The following C8orf34 variants were observed in gnomAD, a reference collection of about 807,000 sequenced individuals.
The protein encoded by C8orf34 is uncharacterized protein C8orf34.
C8orf34 carries 65 observed loss-of-function variants against 68.3 expected under a neutral mutation model. The ratio of observed to expected loss-of-function variants is 0.95; its 90% confidence interval spans 0.78 to 1.17. The LOEUF is 1.17. Ranked by LOEUF, C8orf34 falls within the 50% of genes most tolerant of loss-of-function variation. C8orf34 has a pLI of 0.00. For missense variants in C8orf34, 664 were observed against 655.4 expected, an observed-to-expected ratio of 1.01 and a Z score of -0.14; for synonymous variants, 244 against 241.2, an observed-to-expected ratio of 1.01 and a Z score of -0.11.
chr8:68,542,658 G>T (rs1815740565), intron 7 of C8orf34, among the ~76,000 whole-genome samples: 1 of 152,120 alleles, frequency 6.6e-6, no homozygotes, highest in Non-Finnish European at 1.5e-5. Context: ...TTGAGAATGT[G>T]AGTGGAGTTA....
At chr8:68,522,250 A>G (rs1339320251) in intron 6 of C8orf34, among the ~76,000 whole-genome samples, 2 of 152,188 alleles carry the variant, frequency 1.3e-5, no homozygotes, top group African/African-American at 4.8e-5. Context: ...ATATGCTGCC[A>G]GTCAAGACCT....
intron 10 of C8orf34, among the ~76,000 whole-genome samples, chr8:68,748,130 T>C (rs1385367724): frequency 8.6e-5 from 12 of 139,850 alleles, no homozygotes; most frequent in Non-Finnish European, 4.7e-5. Context: ...AAACAAGCAA[T>C]GGGGAAAGGA....
intron 3 of C8orf34, among the ~76,000 whole-genome samples, chr8:68,456,469 G>A (rs1478342246): frequency 6.6e-6 from 1 of 152,120 alleles, no homozygotes; most frequent in Non-Finnish European, 1.5e-5. Flanking sequence ...GTGAATGAGT[G>A]CATAAAAGGT....
intron 1 of C8orf34, among the ~76,000 whole-genome samples, chr8:68,377,276 G>T (rs977482165): frequency 1.3e-5 from 2 of 152,060 alleles, no homozygotes; most frequent in Non-Finnish European, 2.9e-5. Context: ...TGCACCTGTG[G>T]TGTCTCAGCT....
chr8:68,796,986 C>T (rs567424002), intron 12 of C8orf34, among the ~76,000 whole-genome samples: 7 of 152,148 alleles, frequency 4.6e-5, no homozygotes, highest in African/African-American at 1.4e-4. Flanking sequence ...GCCACCACGC[C>T]TGGCTAATTT....
chr8:68,432,246 A>G (rs1810481636), intron 1 of C8orf34, among the ~76,000 whole-genome samples: 2 of 151,712 alleles, frequency 1.3e-5, no homozygotes, highest in Non-Finnish European at 2.9e-5. Flanking sequence ...TGTATAGTGA[A>G]TTATTAAATC....
chr8:68,674,655 A>G (rs934592610), intron 8 of C8orf34, among the ~76,000 whole-genome samples: 1 of 152,136 alleles, frequency 6.6e-6, no homozygotes, highest in Non-Finnish European at 1.5e-5. Context: ...GATCTAGAAA[A>G]TAGGTCTAAA....
At chr8:68,522,560 T>G (rs1416632393) in intron 6 of C8orf34, among the ~76,000 whole-genome samples, 1 of 152,178 alleles carries the variant, frequency 6.6e-6, no homozygotes, top group African/African-American at 2.4e-5. Flanking sequence ...CTTAGACCCC[T>G]AATGCTCAAA....
intron 7 of C8orf34, among the ~76,000 whole-genome samples, chr8:68,610,322 G>T (rs938202550): frequency 3.9e-5 from 6 of 152,084 alleles, no homozygotes; most frequent in African/African-American, 1.4e-4. Flanking sequence ...ACTGTTTGTG[G>T]CACTACATGT....
At chr8:68,736,561 CA>C (rs2129527074) in intron 10 of C8orf34, among the ~76,000 whole-genome samples, 1 of 152,108 alleles carries the variant, frequency 6.6e-6, no homozygotes, top group Non-Finnish European at 1.5e-5. Context: ...TGATTATTAA[CA>C]CTAGAATATA....
At chr8:68,589,814 G>A (rs914253413) in intron 7 of C8orf34, among the ~76,000 whole-genome samples, 1 of 139,402 alleles carries the variant, frequency 7.2e-6, no homozygotes, top group Non-Finnish European at 1.5e-5. Context: ...GAAGGAGGGA[G>A]GGAAGGGGAA....
intron 8 of C8orf34, among the ~76,000 whole-genome samples, chr8:68,692,545 T>C (rs1202688394): frequency 1.3e-5 from 2 of 152,016 alleles, no homozygotes; most frequent in Non-Finnish European, 2.9e-5. Context: ...ACACATTTAT[T>C]AGAAAAGTTA....
intron 7 of C8orf34, among the ~76,000 whole-genome samples, chr8:68,582,001 G>C (rs1817079786): frequency 6.6e-6 from 1 of 151,950 alleles, no homozygotes; most frequent in African/African-American, 2.4e-5. Context: ...AAACAAAATT[G>C]TTTTCCCCTG....
chr8:68,463,058 A>C (rs1353701573), intron 3 of C8orf34, among the ~76,000 whole-genome samples: 1 of 152,092 alleles, frequency 6.6e-6, no homozygotes, highest in Non-Finnish European at 1.5e-5. Flanking sequence ...ACTAATAAAG[A>C]AAAAAAGAGA....
chr8:68,648,978 T>C (rs544674839), intron 8 of C8orf34, among the ~76,000 whole-genome samples: 8 of 152,228 alleles, frequency 5.3e-5, no homozygotes, highest in Admixed American at 2.6e-4. Flanking sequence ...AGAAAACCTA[T>C]GTAAATAACC....
At position 68,480,631 on chromosome 8, in the gene C8orf34, G is replaced by A. The variant is rs558757966; in HGVS notation, c.737-7392G>A. On this transcript the variant is annotated intron_variant, in intron 4 of 13. Coordinates refer to ENST00000518698, the MANE Select transcript of C8orf34 (RefSeq NM_052958.4). ...TGATATGAACAATAAGGTCCAGACCGAGGTGATCTCAGATGGAGATGAGGA... is the reference window on the plus strand; with the variant it reads ...TGATATGAACAATAAGGTCCAGACCAAGGTGATCTCAGATGGAGATGAGGA... 5.3e-5 allele frequency among the ~76,000 whole-genome samples: 8 copies of A among 152,326 alleles called. No individual in the cohort carries two copies. The East Asian group carries it at 9.7e-4, about 18-fold the overall frequency.
intron 8 of C8orf34, among the ~76,000 whole-genome samples, chr8:68,663,115 T>C (rs541606788): frequency 3.7e-4 from 56 of 152,348 alleles, no homozygotes; most frequent in African/African-American, 1.2e-3. Flanking sequence ...TAGAAACTCT[T>C]ACTAGAGATG....
chr8:68,721,983 G>A (rs916245714), intron 10 of C8orf34, among the ~76,000 whole-genome samples: 2 of 151,808 alleles, frequency 1.3e-5, no homozygotes, highest in South Asian at 2.1e-4. Context: ...TAATGCAATC[G>A]CTTTATCTTA....
chr8:68,781,020 T>C (rs1346527786), intron 11 of C8orf34, among the ~76,000 whole-genome samples: 1 of 152,170 alleles, frequency 6.6e-6, no homozygotes, highest in Non-Finnish European at 1.5e-5. Context: ...TCCATGGTTA[T>C]GGAAGTAAAA....
Sources: allele counts gnomAD v4.1 joint callset (sites outside exome capture counted in the v4.1 genomes callset), GRCh38; gene constraint gnomAD v4.1.1; transcripts MANE v1.5; gene names NCBI Gene and HGNC (gene_info 2026-07-23, HGNC 2026-07-21).